Variants in KAZN observed in about 807,000 individuals in gnomAD.
KAZN encodes the protein kazrin.
KAZN carries 40 observed loss-of-function variants against 87.4 expected under a neutral mutation model. That is an observed-to-expected ratio of 0.46 (90% CI 0.36 to 0.60). The LOEUF is 0.60. Ranked by LOEUF, KAZN falls within the 20% of genes least tolerant of loss-of-function variation. The pLI is 0.00. For synonymous variants in KAZN, 466 were observed against 458.3 expected (o/e 1.02, Z -0.22); for missense variants, 898 against 1,073.9 (o/e 0.84, Z 2.29).
At chr1:14,403,655 G>C (rs1001376587) in intron 2 of KAZN, among the ~76,000 whole-genome samples, 1 of 152,108 alleles carries the variant, frequency 6.6e-6, no homozygotes, top group African/African-American at 2.4e-5. Context: ...GGCCAGTCTA[G>C]AACCCATGGG....
intron 2 of KAZN, among the ~76,000 whole-genome samples, chr1:14,445,448 T>G (rs1251867316): frequency 1.3e-5 from 2 of 152,192 alleles, no homozygotes; most frequent in Non-Finnish European, 2.9e-5. Context: ...TGTCATAGAT[T>G]GCCAGGAAAC....
chr1:15,107,943 C>T (rs72640720), intron 13 of KAZN, among the ~76,000 whole-genome samples: 10,081 of 152,166 alleles, frequency 0.066, 468 homozygotes, highest in Middle Eastern at 0.11. Flanking sequence ...CATAGATGCC[C>T]GGCAGTAACT....
intron 2 of KAZN, among the ~76,000 whole-genome samples, chr1:14,398,906 T>G (rs1432443041): frequency 6.6e-6 from 1 of 152,170 alleles, no homozygotes; most frequent in African/African-American, 2.4e-5. Flanking sequence ...TTCGGATTAC[T>G]CGGGGGTTTT....
rs1345492062 is a variant in KAZN, at chr1:13,942,685, C to T, written c.91+48929C>T. ...CACGCTAGGAAATAGGACAAAACAA[C>T]AAAAAACCAAGACAAAGACTTGAAG... On this transcript the variant is annotated intron_variant, in intron 1 of 16. Transcript: ENST00000636203. Among the ~76,000 whole-genome samples the T allele has an allele frequency of 2.0e-5, 3 of 149,210 alleles. No individual in the cohort carries two copies. The South Asian group carries it at 6.3e-4, about 32-fold the overall frequency.
At chr1:14,514,621 A>ATTTTATATATTTTTTTATATTTTT (rs1557770580) in intron 2 of KAZN, among the ~76,000 whole-genome samples, 8 of 43,754 alleles carry the variant, frequency 1.8e-4, no homozygotes, top group South Asian at 8.8e-4. Flanking sequence ...ATATATATAT[A>ATTTTATATATTTTTTTATATTTTT]TATATATATA....
rs145313018 is a variant in KAZN at position 14,406,963 on chromosome 1, C to T, written c.250-192020C>T. On this transcript the variant is annotated intron_variant, in intron 2 of 16. Coordinates refer to the KAZN transcript ENST00000636203. ...TGCAAACAGAAGAGCTGAGACTTAG[C>T]AGGCACTCGATAGCTGTGTACCGAA... Among the ~76,000 whole-genome samples, 3 of 152,298 alleles carry T rather than the reference C, an allele frequency of 2.0e-5. No individual in the cohort carries two copies. In the East Asian group the frequency reaches 5.8e-4, roughly 29 times the overall value.
chr1:14,104,346 C>T (rs1209617256), intron 1 of KAZN, among the ~76,000 whole-genome samples: 2 of 152,182 alleles, frequency 1.3e-5, no homozygotes, highest in Admixed American at 6.5e-5. Flanking sequence ...CTTAGCCAAG[C>T]GGTTATCCAC....
intron 2 of KAZN, among the ~76,000 whole-genome samples, chr1:14,197,898 T>C (rs1302361319): frequency 6.6e-6 from 1 of 151,478 alleles, no homozygotes; most frequent in Non-Finnish European, 1.5e-5. Flanking sequence ...AGGAGAAAAA[T>C]AGGGAGAATG....
chr1:15,046,880 A>G (rs1573173109), intron 4 of KAZN, among the ~76,000 whole-genome samples: 1 of 152,216 alleles, frequency 6.6e-6, no homozygotes, highest in East Asian at 1.9e-4. Flanking sequence ...CTGTTCTCCC[A>G]GGTCTTTCTC....
intron 2 of KAZN, among the ~76,000 whole-genome samples, chr1:14,404,457 A>G (rs746554145): frequency 1.3e-5 from 2 of 152,150 alleles, no homozygotes; most frequent in South Asian, 2.1e-4. Context: ...ATTTCTTTCT[A>G]TCTCCCGTAT....
intron 1 of KAZN, among the ~76,000 whole-genome samples, chr1:14,954,728 G>A (rs758558106): frequency 1.2e-4 from 19 of 152,254 alleles, no homozygotes; most frequent in East Asian, 3.9e-4. Context: ...AGACTGAGGC[G>A]GGCAGATCAT....
At chr1:14,945,509 C>T (rs1375882519) in intron 1 of KAZN, among the ~76,000 whole-genome samples, 4 of 152,290 alleles carry the variant, frequency 2.6e-5, no homozygotes, top group Non-Finnish European at 4.4e-5. Context: ...TAGCAGTCTC[C>T]GCACTGGCGG....
chr1:13,944,290 C>A (rs146101299), intron 1 of KAZN, among the ~76,000 whole-genome samples: 1 of 152,130 alleles, frequency 6.6e-6, no homozygotes, highest in African/African-American at 2.4e-5. Context: ...CCACACACTG[C>A]GATTCCATTT....
intron 2 of KAZN, among the ~76,000 whole-genome samples, chr1:14,404,819 T>C (rs1663698043): frequency 6.6e-6 from 1 of 152,198 alleles, no homozygotes; most frequent in African/African-American, 2.4e-5. Context: ...CATGTATGTA[T>C]TGTAAAAGAG....
At chr1:14,480,640 AT>A (rs1669023637) in intron 2 of KAZN, among the ~76,000 whole-genome samples, 1 of 145,258 alleles carries the variant, frequency 6.9e-6, no homozygotes, top group Non-Finnish European at 1.5e-5. Flanking sequence ...TATATTATGT[AT>A]TATAATATAT....
intron 1 of KAZN, among the ~76,000 whole-genome samples, chr1:14,958,837 TGGGGA>T (rs1240766722): frequency 2.6e-5 from 4 of 151,664 alleles, no homozygotes; most frequent in Non-Finnish European, 5.9e-5. Flanking sequence ...GAAGGCAGTG[TGGGGA>T]GGGGAGGGGA....
At chr1:14,519,582 A>C (rs969456367) in intron 2 of KAZN, among the ~76,000 whole-genome samples, 1 of 152,182 alleles carries the variant, frequency 6.6e-6, no homozygotes, top group African/African-American at 2.4e-5. Flanking sequence ...AAGAAAGTCC[A>C]CTTTTGAGTT....
chr1:14,253,579 T>G (rs1650242399), intron 2 of KAZN, among the ~76,000 whole-genome samples: 1 of 152,184 alleles, frequency 6.6e-6, no homozygotes, highest in Admixed American at 6.5e-5. Context: ...GGCAGCCTTG[T>G]CCTTTCAGGT....
intron 1 of KAZN, among the ~76,000 whole-genome samples, chr1:14,927,670 AC>A (rs1304245669): frequency 6.6e-6 from 1 of 152,160 alleles, no homozygotes; most frequent in Non-Finnish European, 1.5e-5. Context: ...CAGGTCTGTA[AC>A]TGAAGCATCT....
Sources: gnomAD v4.1 joint callset for allele counts (sites outside exome capture counted in the v4.1 genomes callset) on GRCh38, gnomAD v4.1.1 for gene constraint, MANE v1.5 for transcripts, NCBI Gene and HGNC (gene_info 2026-07-23, HGNC 2026-07-21) for gene names.